CADPS: variants seen among roughly 807,000 people sequenced by gnomAD.
The protein encoded by CADPS is calcium-dependent secretion activator 1.
Under a neutral mutation model 167.3 loss-of-function variants are expected in CADPS, and 57 were observed. That is an observed-to-expected ratio of 0.34 (90% confidence interval 0.28 to 0.42). The LOEUF is 0.42. CADPS is among the 20% of genes least tolerant of loss of function. The pLI, the probability that CADPS is intolerant of heterozygous loss-of-function variation, is 1.00. For synonymous variants in CADPS, 676 were observed against 635.3 expected, an observed-to-expected ratio of 1.06 and a Z score of -0.96; for missense variants, 1,414 against 1,738.1, an observed-to-expected ratio of 0.81 and a Z score of 3.32.
Position 62,512,783 on chromosome 3 carries a change from G to T in CADPS, c.2582-15C>A. On this transcript the variant is annotated splice_polypyrimidine_tract_variant and intron_variant, in intron 16 of 29. Coordinates refer to ENST00000383710, the MANE Select transcript of CADPS (RefSeq NM_003716.4). ...CTTTTGATTCTCTATTTGAAAGAGA[G>T]AGCACAACAAGGAGAGAAGAGAGAG... is the stretch of plus-strand genomic sequence containing the variant. The T allele has an allele frequency of 6.2e-7, 1 of 1,603,148 alleles. No homozygotes were observed. The highest frequency in any genetic ancestry group is 8.5e-7 in the Non-Finnish European group (1 of 1,172,978).
Position 62,544,849 on chromosome 3 carries a change from CT to C in CADPS, c.1966+5053del. The C allele has an allele frequency of 2.4e-6, 3 of 1,246,538 alleles. No individual in the cohort carries two copies. Among genetic ancestry groups the C allele is most frequent in the Admixed American group, 2.8e-5 (1 of 36,310 alleles). 77.2% of individuals were successfully genotyped at this position (1,246,538 alleles called of 1,614,324 possible). On this transcript the variant is annotated intron_variant, in intron 11 of 29. Coordinates refer to ENST00000383710, the MANE Select transcript of CADPS (RefSeq NM_003716.4). This position sits in a 1 kb window ranked among gnomAD's most constrained non-coding sequence, Gnocchi z 4.4. The stretch of plus-strand genomic sequence containing the variant: ...TGCTAGCTATAGGGGAGCACTTACC[CT>C]TCAGTCCAGCTAGAAGTTAGCAGGG...
chr3:62,608,541 A>C (rs1443565731), intron 6 of CADPS, among the ~76,000 whole-genome samples: 1 of 152,138 alleles, frequency 6.6e-6, no homozygotes, highest in Non-Finnish European at 1.5e-5. Context: ...GGCCTCCCAA[A>C]GTGCTGGGAT....
chr3:62,873,408 CCT>C (rs1560038931), intron 1 of CADPS, among the ~76,000 whole-genome samples: 1 of 152,292 alleles, frequency 6.6e-6, no homozygotes, highest in East Asian at 1.9e-4. Context: ...CCTCACACTG[CCT>C]CTGTGTGGGG....
chr3:62,582,035 T>C (rs2083526856), intron 8 of CADPS, among the ~76,000 whole-genome samples: 1 of 152,222 alleles, frequency 6.6e-6, no homozygotes, highest in Admixed American at 6.5e-5. Context: ...CAGTGGCTCA[T>C]TCAAAGAACC....
At chr3:62,454,530 C>CTGCCTTT (rs2058457992) in intron 26 of CADPS, among the ~76,000 whole-genome samples, 1 of 152,182 alleles carries the variant, frequency 6.6e-6, no homozygotes, top group African/African-American at 2.4e-5. Context: ...TGTCCCTACA[C>CTGCCTTT]TGCCTTTTCA....
At chr3:62,821,396 T>C (rs2094909987) in intron 1 of CADPS, among the ~76,000 whole-genome samples, 1 of 152,162 alleles carries the variant, frequency 6.6e-6, no homozygotes, top group Non-Finnish European at 1.5e-5. Flanking sequence ...TTCTGGAGTC[T>C]AGAAATCCAG....
In CADPS at chr3:62,864,935, A is replaced by G. The variant is rs1019356509; in HGVS notation, c.441+9654T>C. ...GGAAGGCCATCTAAAATGACTTTAC[A>G]TACTTTTTCTACAGGATCTAGTGAG... On this transcript the variant is annotated intron_variant, in intron 1 of 29. Coordinates refer to ENST00000383710, the MANE Select transcript of CADPS (RefSeq NM_003716.4). 3.9e-5 allele frequency among the ~76,000 whole-genome samples: 6 copies of G among 152,320 alleles called. No individual in the cohort carries two copies. In the South Asian group the frequency reaches 6.2e-4, roughly 16 times the overall value.
chr3:62,872,038 TCCA>T (rs1337151353), intron 1 of CADPS, among the ~76,000 whole-genome samples: 1 of 152,180 alleles, frequency 6.6e-6, no homozygotes, highest in African/African-American at 2.4e-5. Context: ...TGGTCTTTTC[TCCA>T]CAATTCAGCA....
intron 6 of CADPS, among the ~76,000 whole-genome samples, chr3:62,611,222 T>C (rs770889889): frequency 3.3e-5 from 5 of 152,144 alleles, no homozygotes; most frequent in African/African-American, 4.8e-5. Context: ...AGTTGGCAGC[T>C]CCATCCTTCC....
chr3:62,803,332 CTTT>C (rs57928697), intron 1 of CADPS, among the ~76,000 whole-genome samples: 61,797 of 139,560 alleles, frequency 0.44, 15,007 homozygotes, highest in East Asian at 0.81. Context: ...GAGATGCTTC[CTTT>C]TTTTTTTTTT....
intron 6 of CADPS, among the ~76,000 whole-genome samples, chr3:62,635,962 C>T (rs2149810777): frequency 6.6e-6 from 1 of 152,262 alleles, no homozygotes; most frequent in African/African-American, 2.4e-5. Context: ...TAAATGAACA[C>T]ATTCCAAAGG....
At chr3:62,787,575 A>T (rs2152709368) in intron 1 of CADPS, among the ~76,000 whole-genome samples, 1 of 152,286 alleles carries the variant, frequency 6.6e-6, no homozygotes, top group Admixed American at 6.5e-5. Context: ...AATACTAATT[A>T]TTAATAAATG....
rs1230855231 is a variant in CADPS at position 62,753,836 on chromosome 3, G to A, written c.556-63C>T. The A allele has an allele frequency of 5.4e-6, 8 of 1,477,690 alleles. No individual in the cohort carries two copies. The African/African-American group carries it at 1.1e-4, about 21-fold the overall frequency. 91.5% of individuals were successfully genotyped at this position (1,477,690 alleles called of 1,614,324 possible). A position where few individuals can be genotyped will look rare whatever the true frequency, so the allele number is the denominator to read the frequency against. On this transcript the variant is annotated intron_variant, in intron 2 of 29. Transcript: ENST00000383710. This position sits in a 1 kb window ranked among gnomAD's most constrained non-coding sequence, Gnocchi z 4.6. ...TTTACCACAGAGGTACCAGTTCCCT[G>A]GGGCTGGACACTGGGCCAGTCCACC...
At chr3:62,515,413 C>T (rs1182953770) in intron 16 of CADPS, among the ~76,000 whole-genome samples, 1 of 152,016 alleles carries the variant, frequency 6.6e-6, no homozygotes, top group Non-Finnish European at 1.5e-5. Flanking sequence ...GTAGAGTTTA[C>T]TCAAAGCACC....
intron 4 of CADPS, among the ~76,000 whole-genome samples, chr3:62,657,314 T>C (rs1437031882): frequency 6.6e-6 from 1 of 152,126 alleles, no homozygotes; most frequent in African/African-American, 2.4e-5. Flanking sequence ...GAAGAACCAA[T>C]GGTGTTTTAC....
At chr3:62,591,396 T>C (rs566555320) in intron 7 of CADPS, among the ~76,000 whole-genome samples, 2 of 152,070 alleles carry the variant, frequency 1.3e-5, no homozygotes, top group African/African-American at 4.8e-5. Context: ...TCCAAGGAGG[T>C]GGCATTTATG....
intron 6 of CADPS, among the ~76,000 whole-genome samples, chr3:62,635,338 G>A (rs900385934): frequency 2.0e-5 from 3 of 152,118 alleles, no homozygotes; most frequent in African/African-American, 7.2e-5. Context: ...GATTGATCCT[G>A]CAACTCTACT....
chr3:62,769,839 T>C (rs1327105705), intron 1 of CADPS, among the ~76,000 whole-genome samples: 1 of 152,128 alleles, frequency 6.6e-6, no homozygotes, highest in Non-Finnish European at 1.5e-5. Context: ...CCAGGCTGCA[T>C]GACCTTAGGC....
chr3:62,484,841 A>G (rs181404206), intron 21 of CADPS, among the ~76,000 whole-genome samples: 1 of 152,296 alleles, frequency 6.6e-6, no homozygotes, highest in Admixed American at 6.5e-5. Flanking sequence ...TGTATTTAAG[A>G]TACAAAATGC....
Sources: allele counts gnomAD v4.1 joint callset (sites outside exome capture counted in the v4.1 genomes callset), GRCh38; gene constraint gnomAD v4.1.1; non-coding constraint Gnocchi (gnomAD v3.1); transcripts MANE v1.5; gene names NCBI Gene and HGNC (gene_info 2026-07-23, HGNC 2026-07-21).